Variants in NBPF3 observed in about 807,000 individuals in gnomAD.
NBPF3 encodes the protein NBPF family member NBPF3.
A neutral mutation model predicts 78.1 loss-of-function variants in NBPF3; 57 were observed. The ratio of observed to expected loss-of-function variants is 0.73; its 90% confidence interval spans 0.59 to 0.91. The LOEUF is 0.91. Ranked by LOEUF, NBPF3 falls within the 40% of genes least tolerant of loss-of-function variation. NBPF3 has a pLI of 0.00. For missense variants in NBPF3, 510 were observed against 715.3 expected (o/e 0.71, Z 3.27); for synonymous variants, 182 against 271.7 (o/e 0.67, Z 3.25).
intron 2 of NBPF3, among the ~76,000 whole-genome samples, chr1:21,467,738 TG>T (rs1359257839): frequency 6.6e-6 from 1 of 152,242 alleles, no homozygotes; most frequent in African/African-American, 2.4e-5. Flanking sequence ...TAAATGATTT[TG>T]GTCACTTGAT....
At chr1:21,468,256 T>C (rs1024723066) in intron 2 of NBPF3, 15 of 332,856 alleles carry the variant, frequency 4.5e-5, no homozygotes, top group Non-Finnish European at 7.2e-5. Context: ...AAGAGATGGG[T>C]CTGTGGCATT....
intron 2 of NBPF3, among the ~76,000 whole-genome samples, chr1:21,452,522 G>C (rs1164960815): frequency 6.6e-6 from 1 of 152,220 alleles, no homozygotes; most frequent in Non-Finnish European, 1.5e-5. Flanking sequence ...GCAGAAATGG[G>C]CCTGCCTGCT....
At position 21,445,108 on chromosome 1, in the gene NBPF3, C is replaced by T. The variant is rs1339556420; in HGVS notation, c.22C>T (p.Gln8Ter). ...GGGGATGCCACTGACTCCCACTGTC[C>T]AGGGCTTCCAGTGGACTCTCCGAGG... MPLTPTV[Q>*]GFQWTLRGPD... is the part of the protein sequence containing the mutation. Residue 8 changes from glutamine (Q) to a stop codon, truncating the protein, a stop_gained, in exon 2 of 15, where the codon CAG becomes TAG. Coordinates refer to ENST00000318249, the MANE Select transcript of NBPF3 (RefSeq NM_032264.6). LOFTEE classifies it high-confidence loss of function. 3 of 1,611,670 alleles carry T rather than the reference C, an allele frequency of 1.9e-6. No homozygotes were observed. The highest frequency in any genetic ancestry group is 1.7e-5 in the Admixed American group (1 of 59,982).
intron 2 of NBPF3, among the ~76,000 whole-genome samples, chr1:21,463,728 G>C (rs1642090302): frequency 6.6e-6 from 1 of 152,192 alleles, no homozygotes; most frequent in South Asian, 2.1e-4. Context: ...CTAGTACCTA[G>C]AGTATATAAG....
chr1:21,437,289 C>T (rs1333253132), upstream of NBPF3: 2 of 401,838 alleles, frequency 5.0e-6, no homozygotes, highest in African/African-American at 4.3e-5. Flanking sequence ...AGGAGTGTGC[C>T]TGGGGGTTTG....
chr1:21,476,947 C>G lies in NBPF3; in HGVS notation c.993-1197C>G, dbSNP rs928190298. Among the ~76,000 whole-genome samples, 2 of 152,150 alleles carry G rather than the reference C, an allele frequency of 1.3e-5. No individual in the cohort carries two copies. Among genetic ancestry groups the G allele is most frequent in the African/African-American group, 4.8e-5 (2 of 41,430 alleles). Reference sequence around the variant, plus strand: ...GTAGATTTGGTCTTTTCACATAGTCCCATATTTATTGGAGGCTTTGTTCAT... The same window carrying G: ...GTAGATTTGGTCTTTTCACATAGTCGCATATTTATTGGAGGCTTTGTTCAT... On this transcript the variant is annotated intron_variant, in intron 8 of 14. Transcript: ENST00000318249. The surrounding 1 kb of genome is among the most constrained non-coding windows in gnomAD (Gnocchi z 4.1).
intron 2 of NBPF3, chr1:21,467,323 C>T: frequency 4.1e-6 from 4 of 985,472 alleles, no homozygotes; most frequent in Non-Finnish European, 3.6e-6. Flanking sequence ...AGTCCAGCAG[C>T]CAATCTTAGG....
intron 2 of NBPF3, among the ~76,000 whole-genome samples, chr1:21,458,515 T>C (rs1452253090): frequency 1.3e-5 from 2 of 152,142 alleles, no homozygotes; most frequent in Admixed American, 1.3e-4. Context: ...CGTGGAATGA[T>C]AGAAATGTCC....
chr1:21,437,482 C>A, upstream of NBPF3: 1 of 1,461,864 alleles, frequency 6.8e-7, no homozygotes, highest in Admixed American at 2.0e-5. Flanking sequence ...TCCACGAGGA[C>A]GCCCAGCGCG....
intron 2 of NBPF3, among the ~76,000 whole-genome samples, chr1:21,448,588 G>A (rs961853604): frequency 1.3e-5 from 2 of 152,102 alleles, no homozygotes; most frequent in African/African-American, 4.8e-5. Flanking sequence ...GGGGGTTTTC[G>A]GAACTTCATC....
At chr1:21,448,332 T>A (rs967530666) in intron 2 of NBPF3, among the ~76,000 whole-genome samples, 20 of 138,364 alleles carry the variant, frequency 1.4e-4, no homozygotes, top group African/African-American at 6.1e-4. Context: ...TTTATTATTA[T>A]TTTTTTTTTT....
At chr1:21,470,500 G>A (rs1477608629) in intron 3 of NBPF3, 132 bp from the exon 4 acceptor site, 5 of 602,862 alleles carry the variant, frequency 8.3e-6, no homozygotes, top group Non-Finnish European at 1.5e-5. Context: ...TAAAGATGTG[G>A]AAATCCCTAC....
rs1642605557 is a variant in NBPF3 at position 21,471,710 on chromosome 1, G to A, written c.588G>A (p.Gln196=). The A allele has an allele frequency of 6.2e-7, 1 of 1,612,756 alleles. No individual in the cohort carries two copies. The highest frequency in any genetic ancestry group is 1.3e-5 in the African/African-American group (1 of 74,608). Residue 196 remains glutamine (Q), a synonymous_variant, in exon 5 of 15, where the codon CAG becomes CAA. Transcript: ENST00000318249. The stretch of plus-strand genomic sequence containing the variant: ...CTCCGGATGAGCCGGACAACTCCCA[G>A]GGACGGGACCTCCGAGAACAGCTGG... ...LLTPDEPDNS[Q]GRDLREQLAE...
chr1:21,447,297 C>G (rs1225994229), intron 2 of NBPF3, among the ~76,000 whole-genome samples: 1 of 152,228 alleles, frequency 6.6e-6, no homozygotes, highest in Non-Finnish European at 1.5e-5. Context: ...CATTAGAGTT[C>G]ATTCTTTGAG....
chr1:21,451,944 A>G, intron 2 of NBPF3: 1 of 631,194 alleles, frequency 1.6e-6, no homozygotes, highest in Non-Finnish European at 2.0e-6. Flanking sequence ...TTTTTGAAAG[A>G]TGCCACCAGT....
chr1:21,445,846 G>A (rs1233161429), intron 2 of NBPF3, among the ~76,000 whole-genome samples: 2 of 152,216 alleles, frequency 1.3e-5, no homozygotes, highest in Non-Finnish European at 2.9e-5. Context: ...CCAGGACCTT[G>A]TGGTGGACAC....
rs138794006 is a variant in NBPF3, at chr1:21,476,100, C to CTT, written c.992+1156_992+1157dup. On this transcript the variant is annotated intron_variant, in intron 8 of 14. Transcript: ENST00000318249. This position sits in a 1 kb window ranked among gnomAD's most constrained non-coding sequence, Gnocchi z 4.1. ...TCAAAGACTAGGATTGCAACCCCTG[C>CTT]TTTTTTTTGCTCTCCATTTGCTTGG... Among the ~76,000 whole-genome samples the CTT allele has an allele frequency of 1.1e-4, 17 of 151,574 alleles. No homozygotes were observed. Among genetic ancestry groups the CTT allele is most frequent in the East Asian group, 3.9e-4 (2 of 5,158 alleles).
chr1:21,447,414 T>G lies in NBPF3; in HGVS notation c.133+2195T>G, dbSNP rs560071260. 2.9e-3 allele frequency among the ~76,000 whole-genome samples: 448 copies of G among 152,332 alleles called. 4 individuals are homozygous for G. The highest frequency in any genetic ancestry group is 0.01 in the African/African-American group (432 of 41,572). ...AAATTCCCTGTGCGTCACCATTTCA[T>G]GCGTCCTCCTCTCCTCCACCCCTGA... On this transcript the variant is annotated intron_variant, in intron 2 of 14. Transcript: ENST00000318249.
At position 21,451,901 on chromosome 1, in the gene NBPF3, T is replaced by G. The variant is rs1438448919; in HGVS notation, c.133+6682T>G. ...CCAGTTGGGATCAAATGTGAGCCTATGGATCAAGGTGCATACTCAAACACA... is the reference window on the plus strand; with the variant it reads ...CCAGTTGGGATCAAATGTGAGCCTAGGGATCAAGGTGCATACTCAAACACA... On this transcript the variant is annotated intron_variant, in intron 2 of 14. Coordinates refer to ENST00000318249, the MANE Select transcript of NBPF3 (RefSeq NM_032264.6). 8.3e-6 allele frequency: 8 copies of G among 962,882 alleles called. No individual in the cohort carries two copies. The African/African-American group carries it at 1.4e-4, about 17-fold the overall frequency. The allele number at this position is 962,882 out of a possible 1,614,324, so 59.6% of individuals were successfully genotyped here. A position where few individuals can be genotyped will look rare whatever the true frequency, so the allele number is the denominator to read the frequency against.
Sources: gnomAD v4.1 joint callset for allele counts (sites outside exome capture counted in the v4.1 genomes callset) on GRCh38, gnomAD v4.1.1 for gene constraint, Gnocchi (gnomAD v3.1) non-coding constraint, MANE v1.5 for transcripts, NCBI Gene and HGNC (gene_info 2026-07-23, HGNC 2026-07-21) for gene names.